Variants in PTPRD observed in about 807,000 individuals in gnomAD.
PTPRD encodes protein tyrosine phosphatase receptor type D.
A neutral mutation model predicts 214.5 loss-of-function variants in PTPRD; 34 were observed. That is an observed-to-expected ratio of 0.16 (90% CI 0.12 to 0.21). PTPRD has a LOEUF of 0.21. Ranked by LOEUF, PTPRD falls within the 10% of genes least tolerant of loss-of-function variation. The probability of loss-of-function intolerance (pLI) is 1.00; values close to 1 mark genes in which losing one functional copy is unlikely to be tolerated. For synonymous variants in PTPRD, 1,128 were observed against 845.7 expected, an observed-to-expected ratio of 1.33 and a Z score of -5.79; for missense variants, 2,545 against 2,398.7, an observed-to-expected ratio of 1.06 and a Z score of -1.27.
intron 44 of PTPRD, among the ~76,000 whole-genome samples, chr9:8,321,159 T>C (rs1826992891): frequency 6.6e-6 from 1 of 152,056 alleles, no homozygotes; most frequent in Non-Finnish European, 1.5e-5. Flanking sequence ...TGAAGGTCCC[T>C]TTTAACCTTG....
intron 9 of PTPRD, among the ~76,000 whole-genome samples, chr9:9,312,402 T>C (rs1337829594): frequency 6.6e-6 from 1 of 152,180 alleles, no homozygotes; most frequent in Non-Finnish European, 1.5e-5. Context: ...GTACAGCATG[T>C]CTTTGAATAA....
chr9:9,379,848 T>C (rs965862177), intron 9 of PTPRD, among the ~76,000 whole-genome samples: 6 of 152,040 alleles, frequency 3.9e-5, no homozygotes, highest in East Asian at 1.9e-4. Context: ...TGTTGGTATA[T>C]AGGAAAGCAA....
intron 2 of PTPRD, among the ~76,000 whole-genome samples, chr9:10,469,322 A>T (rs80289421): frequency 3.5e-3 from 538 of 152,310 alleles, no homozygotes; most frequent in African/African-American, 0.012. Flanking sequence ...AAAGTGTCTA[A>T]ACTATCAGGT....
chr9:9,709,508 C>G (rs912296833), intron 7 of PTPRD, among the ~76,000 whole-genome samples: 2 of 151,894 alleles, frequency 1.3e-5, no homozygotes, highest in Non-Finnish European at 2.9e-5. Flanking sequence ...TAGTATAAAA[C>G]AAGAAACAAA....
chr9:9,076,925 G>A (rs202185260), intron 10 of PTPRD, among the ~76,000 whole-genome samples: 1 of 151,664 alleles, frequency 6.6e-6, no homozygotes, highest in African/African-American at 2.4e-5. Context: ...TACCAACAGT[G>A]TACAAGGGTT....
chr9:9,662,634 T>C (rs2096642571), intron 7 of PTPRD, among the ~76,000 whole-genome samples: 1 of 151,666 alleles, frequency 6.6e-6, no homozygotes, highest in Non-Finnish European at 1.5e-5. Context: ...CGATAGATTC[T>C]ATATGTAGGG....
chr9:10,316,000 T>C (rs2096411805), intron 3 of PTPRD, among the ~76,000 whole-genome samples: 1 of 151,574 alleles, frequency 6.6e-6, no homozygotes, highest in Non-Finnish European at 1.5e-5. Flanking sequence ...CATAAGAAAA[T>C]AAGAGATAGT....
intron 8 of PTPRD, among the ~76,000 whole-genome samples, chr9:9,506,699 C>T (rs1196672584): frequency 6.6e-6 from 1 of 151,268 alleles, no homozygotes; most frequent in African/African-American, 2.4e-5. Flanking sequence ...TTGAGGAAAT[C>T]CATATATTTT....
At chr9:9,268,819 A>G (rs1341133971) in intron 9 of PTPRD, among the ~76,000 whole-genome samples, 1 of 150,838 alleles carries the variant, frequency 6.6e-6, no homozygotes, top group Non-Finnish European at 1.5e-5. Flanking sequence ...AAAAAAAAAA[A>G]AAGGAAATTC....
At chr9:10,225,511 T>G (rs2099585882) in intron 3 of PTPRD, among the ~76,000 whole-genome samples, 1 of 152,040 alleles carries the variant, frequency 6.6e-6, no homozygotes, top group Non-Finnish European at 1.5e-5. Context: ...GGCACTGCTT[T>G]TATTGGCTAG....
intron 2 of PTPRD, among the ~76,000 whole-genome samples, chr9:10,582,713 CCTA>C (rs758907679): frequency 6.6e-6 from 1 of 152,028 alleles, no homozygotes; most frequent in Non-Finnish European, 1.5e-5. Context: ...TAAATGCAGA[CCTA>C]CTGACAAAAA....
chr9:8,572,383 G>C (rs973592149), intron 14 of PTPRD, among the ~76,000 whole-genome samples: 2 of 151,948 alleles, frequency 1.3e-5, no homozygotes, highest in Non-Finnish European at 2.9e-5. Context: ...TAGAGATCTT[G>C]GCATTTTAAC....
chr9:9,004,024 A>G (rs939319129), intron 11 of PTPRD, among the ~76,000 whole-genome samples: 1 of 152,058 alleles, frequency 6.6e-6, no homozygotes, highest in Non-Finnish European at 1.5e-5. Context: ...GCAAAGACCA[A>G]TACTGAGTAT....
intron 2 of PTPRD, among the ~76,000 whole-genome samples, chr9:10,365,476 G>C (rs543314296): frequency 1.3e-5 from 2 of 152,126 alleles, no homozygotes; most frequent in Admixed American, 1.3e-4. Flanking sequence ...TTTTCAGCTT[G>C]ACAGTTTTTA....
At chr9:9,855,627 G>A (rs967065908) in intron 5 of PTPRD, among the ~76,000 whole-genome samples, 3 of 152,164 alleles carry the variant, frequency 2.0e-5, no homozygotes, top group African/African-American at 4.8e-5. Context: ...GGGAACTGGA[G>A]TGCAGAAGCA....
intron 2 of PTPRD, among the ~76,000 whole-genome samples, chr9:10,597,267 A>G (rs143955358): frequency 0.022 from 3,414 of 151,834 alleles, 149 homozygotes; most frequent in African/African-American, 0.078. Context: ...ATTGTTTATC[A>G]TATGCAAATA....
intron 9 of PTPRD, among the ~76,000 whole-genome samples, chr9:9,316,533 T>C (rs2802280): frequency 0.15 from 22,534 of 152,070 alleles, 2,168 homozygotes; most frequent in East Asian, 0.48. Flanking sequence ...ACCAAATAAC[T>C]CTTTGTGGCA....
intron 10 of PTPRD, among the ~76,000 whole-genome samples, chr9:9,151,927 C>A (rs2099877136): frequency 6.6e-6 from 1 of 152,186 alleles, no homozygotes. Context: ...TGTTTTCTGA[C>A]CTACCTGTGA....
chr9:8,493,994 A>ATGCG (rs1363679781), intron 26 of PTPRD, among the ~76,000 whole-genome samples: 2 of 145,352 alleles, frequency 1.4e-5, no homozygotes, highest in Non-Finnish European at 3.0e-5. Context: ...ACACAGACAC[A>ATGCG]CACAGACACA....
Sources: allele counts gnomAD v4.1 joint callset (sites outside exome capture counted in the v4.1 genomes callset), GRCh38; gene constraint gnomAD v4.1.1; transcripts MANE v1.5; gene names NCBI Gene and HGNC (gene_info 2026-07-23, HGNC 2026-07-21).